Variants in LRRC43 observed in about 807,000 individuals in gnomAD.
LRRC43 encodes the protein leucine-rich repeat-containing protein 43.
A neutral mutation model predicts 64.3 loss-of-function variants in LRRC43; 62 were observed. That is an observed-to-expected ratio of 0.96 (90% CI 0.79 to 1.19). LRRC43 has a LOEUF of 1.19. Among genes scored for constraint, LRRC43 ranks in the 50% most tolerant of loss-of-function variants. The probability of loss-of-function intolerance (pLI) is 0.00; values close to 1 mark genes in which losing one functional copy is unlikely to be tolerated. For missense variants in LRRC43, 868 were observed against 845.0 expected (o/e 1.03, Z -0.34); for synonymous variants, 422 against 382.3 (o/e 1.10, Z -1.21).
intron 5 of LRRC43, 84 bp downstream of exon 5, chr12:122,190,452 T>G: frequency 9.1e-7 from 1 of 1,094,104 alleles, no homozygotes; most frequent in South Asian, 1.4e-5. Flanking sequence ...TGGGTCCGTG[T>G]ACCCGTCTGT....
chr12:122,198,724 G>A (rs956955376), intron 7 of LRRC43, among the ~76,000 whole-genome samples: 1 of 145,550 alleles, frequency 6.9e-6, no homozygotes, highest in African/African-American at 2.6e-5. Flanking sequence ...CCACCTCCCA[G>A]GTTCAAGTGA....
rs780068231 is a variant in LRRC43, at chr12:122,200,735, C to T, written c.1621-11C>T. 1.5e-5 allele frequency: 24 copies of T among 1,612,782 alleles called. No individual in the cohort carries two copies. In the East Asian group the frequency reaches 3.6e-4, roughly 24 times the overall value. ...AACTTGTCCCACCCTCCTGTCCTCCCGTCGTCGCAGGAGTGGAAGGTGCTG... is the reference window on the plus strand; with the variant it reads ...AACTTGTCCCACCCTCCTGTCCTCCTGTCGTCGCAGGAGTGGAAGGTGCTG... On this transcript the variant is annotated splice_polypyrimidine_tract_variant and intron_variant, in intron 9 of 11. Transcript: ENST00000339777. The surrounding 1 kb of genome is among the most constrained non-coding windows in gnomAD (Gnocchi z 4.6).
At chr12:122,194,254 C>T (rs980064837) in intron 7 of LRRC43, among the ~76,000 whole-genome samples, 4 of 150,458 alleles carry the variant, frequency 2.7e-5, no homozygotes, top group Non-Finnish European at 5.9e-5. Flanking sequence ...GTTACCATTT[C>T]TGGGGAACCA....
rs188524855 is a variant in LRRC43, at chr12:122,190,140, G to C, written c.673G>C (p.Val225Leu). Residue 225 changes from valine to leucine, a missense_variant, in exon 5 of 12, where the codon GTC (valine) becomes CTC (leucine). Coordinates refer to ENST00000339777, the MANE Select transcript of LRRC43 (RefSeq NM_001098519.2). ...YVTANHWPNL[V>L]SLDLGFNDLT... ...CTGCTCACCTTCCAGGCCCAACCTC[G>C]TCTCCCTGGACCTGGGCTTCAACGA... The C allele has an allele frequency of 1.2e-6, 2 of 1,613,952 alleles. No homozygotes were observed. Among genetic ancestry groups the C allele is most frequent in the Non-Finnish European group, 1.7e-6 (2 of 1,179,944 alleles).
intron 7 of LRRC43, among the ~76,000 whole-genome samples, chr12:122,194,655 G>C (rs1261494993): frequency 6.7e-6 from 1 of 150,244 alleles, no homozygotes; most frequent in East Asian, 1.9e-4. Flanking sequence ...TCTCTTTTTT[G>C]TGGTGGGGTC....
At chr12:122,201,416 G>C in intron 11 of LRRC43, 87 bp downstream of exon 11, 1 of 1,234,692 alleles carries the variant, frequency 8.1e-7, no homozygotes, top group South Asian at 1.2e-5. Flanking sequence ...AGGAACCAAA[G>C]GGTGGGGAAT....
Position 122,198,614 on chromosome 12 carries a change from G to A in LRRC43, c.1350-1575G>A, listed in dbSNP as rs573108215. ...TGTGGTCGGTGTAATAAGTATCAGT[G>A]CTTCATTCCTTTTTTTTTTTTTTTT... On this transcript the variant is annotated intron_variant, in intron 7 of 11. Transcript: ENST00000339777. Among the ~76,000 whole-genome samples the A allele has an allele frequency of 2.5e-3, 364 of 144,432 alleles. 4 individuals carry two copies. Among genetic ancestry groups the A allele is most frequent in the African/African-American group, 9.0e-3 (341 of 37,716 alleles). The allele number at this position is 144,432 out of a possible 152,430, so 94.8% of individuals were successfully genotyped here. A position where few individuals can be genotyped will look rare whatever the true frequency, so the allele number is the denominator to read the frequency against.
Position 122,183,166 on chromosome 12 carries a change from G to A in LRRC43, c.22G>A (p.Glu8Lys). MEASYES[E>K]SESESEAGPG... ...GGCCATGGAGGCGTCGTACGAGTCC[G>A]AGTCCGAGTCCGAGTCTGAGGCCGG... Residue 8 changes from glutamate (E) to lysine (K), a missense_variant, in exon 1 of 12, where the codon GAG (glutamate) becomes AAG (lysine). Glu to Lys is a moderately conservative substitution (Grantham distance 56). Transcript: ENST00000339777. 1.3e-6 allele frequency: 2 copies of A among 1,551,450 alleles called. No individual in the cohort carries two copies.
Position 122,184,739 on chromosome 12 carries a change from T to G in LRRC43, c.371T>G (p.Phe124Cys). 1 of 1,612,304 alleles carries G rather than the reference T, an allele frequency of 6.2e-7. No individual in the cohort carries two copies. The highest frequency in any genetic ancestry group is 1.3e-5 in the African/African-American group (1 of 75,022). ...RNPLTITDTFFYSYFRSLRVI... is the reference protein window; with the variant it reads ...RNPLTITDTFCYSYFRSLRVI... ...CCGCTGACGATCACAGACACCTTCT[T>G]CTACTCCTACTTCCGGTCCCTGCGG... The change falls in exon 2 of 12, where the codon TTC becomes TGC. Residue 124 changes from phenylalanine (F) to cysteine (C), a missense_variant. Coordinates refer to ENST00000339777, the MANE Select transcript of LRRC43 (RefSeq NM_001098519.2). This position sits in a 1 kb window ranked among gnomAD's most constrained non-coding sequence, Gnocchi z 4.0.
chr12:122,188,907 A>G (rs1465584705), intron 4 of LRRC43, among the ~76,000 whole-genome samples: 1 of 152,132 alleles, frequency 6.6e-6, no homozygotes, highest in South Asian at 2.1e-4. Context: ...GACAAACAAA[A>G]ATGTCTCCAG....
intron 11 of LRRC43, among the ~76,000 whole-genome samples, chr12:122,202,784 T>G (rs1231287599): frequency 1.3e-5 from 2 of 152,166 alleles, no homozygotes; most frequent in Admixed American, 6.5e-5. Context: ...GTGCTATAAT[T>G]ACTTCATTTT....
rs751403273 is a variant in LRRC43 at position 122,192,909 on chromosome 12, G to T, written c.1254G>T (p.Ser418=). The T allele has an allele frequency of 1.4e-5, 22 of 1,614,124 alleles. No individual in the cohort carries two copies. The highest frequency in any genetic ancestry group is 1.7e-5 in the Admixed American group (1 of 60,000). ...GAGAGTCGGAGCTGTCTGTCATCTC[G>T]GGGCCTTCGACCATCTTGCAGATGC... is the stretch of plus-strand genomic sequence containing the variant. The part of the protein sequence containing the change: ...ESGESELSVI[S]GPSTILQMPR... The change falls in exon 7 of 12, where the codon TCG becomes TCT. Residue 418 remains serine (S), a synonymous_variant. Transcript: ENST00000339777.
chr12:122,190,534 G>A (rs4758677), intron 5 of LRRC43, among the ~76,000 whole-genome samples, 166 bp downstream of exon 5: 34,915 of 152,052 alleles, frequency 0.23, 5,081 homozygotes, highest in East Asian at 0.71. Flanking sequence ...TTTCCACCAG[G>A]CTTTGATTCC....
upstream of LRRC43, chr12:122,182,949 G>C: frequency 1.2e-6 from 1 of 829,944 alleles, no homozygotes; most frequent in Non-Finnish European, 1.7e-6. Context: ...TACTGCCTGC[G>C]GGAGCTGCCG....
rs531526199 is a variant in LRRC43 at position 122,186,250 on chromosome 12, G to A, written c.472G>A (p.Ala158Thr). 1.1e-4 allele frequency: 178 copies of A among 1,606,356 alleles called. No homozygotes were observed. In the South Asian group the frequency reaches 1.6e-3, roughly 14 times the overall value. The change falls in exon 3 of 12, where the codon GCC becomes ACC. Residue 158 changes from alanine to threonine, a missense_variant. Ala to Thr is a moderately conservative substitution (Grantham distance 58). Transcript: ENST00000339777. ...AAAGCTGGAGGAGTTGGTACTGAGC[G>A]CCAATCGAATCAAGGAGGTGGATGC... is the stretch of plus-strand genomic sequence containing the variant. ...FLKLEELVLSANRIKEVDATN... is the reference protein window; with the variant it reads ...FLKLEELVLSTNRIKEVDATN...
chr12:122,179,557 T>C (rs1953564716), upstream of LRRC43, among the ~76,000 whole-genome samples: 1 of 152,114 alleles, frequency 6.6e-6, no homozygotes. Context: ...GATAAAACTG[T>C]AAGCCAGTAA....
At position 122,188,039 on chromosome 12, in the gene LRRC43, A is replaced by G. The variant is rs938739262; in HGVS notation, c.662+199A>G. 4 of 563,554 alleles carry G rather than the reference A, an allele frequency of 7.1e-6. No homozygotes were observed. In the African/African-American group the frequency reaches 7.6e-5, roughly 11 times the overall value. The allele number at this position is 563,554 out of a possible 1,614,324, so 34.9% of individuals were successfully genotyped here. ...AACAAAAAGCCCGGGGAAGGAGAAC[A>G]AGAGGTAGTAGGTGTGAGTCAGAGC... On this transcript the variant is annotated intron_variant, in intron 4 of 11. Coordinates refer to ENST00000339777, the MANE Select transcript of LRRC43 (RefSeq NM_001098519.2).
upstream of LRRC43, among the ~76,000 whole-genome samples, chr12:122,180,901 A>G (rs1242282518): frequency 1.3e-5 from 2 of 152,170 alleles, no homozygotes; most frequent in Non-Finnish European, 2.9e-5. Context: ...TTATATCACT[A>G]TGGACTCATA....
At chr12:122,182,412 C>T (rs1233392684), upstream of LRRC43, among the ~76,000 whole-genome samples, 1 of 150,304 alleles carries the variant, frequency 6.7e-6, no homozygotes, top group Non-Finnish European at 1.5e-5. Flanking sequence ...ATCCCAGCTA[C>T]TCGGGAGGCT....
Sources: gnomAD v4.1 joint callset for allele counts (sites outside exome capture counted in the v4.1 genomes callset) on GRCh38, gnomAD v4.1.1 for gene constraint, Gnocchi (gnomAD v3.1) non-coding constraint, MANE v1.5 for transcripts, NCBI Gene and HGNC (gene_info 2026-07-23, HGNC 2026-07-21) for gene names.